Variants in BORCS5 observed in about 807,000 individuals in gnomAD.
The protein encoded by BORCS5 is BLOC-1 related complex subunit 5.
BORCS5 carries 17 observed loss-of-function variants against 22.1 expected under a neutral mutation model. That is an observed-to-expected ratio of 0.77 (90% CI 0.53 to 1.15). BORCS5 has a LOEUF of 1.15. Among genes scored for constraint, BORCS5 ranks in the 50% most tolerant of loss-of-function variants. BORCS5 has a pLI of 0.00. For synonymous variants in BORCS5, 117 were observed against 99.8 expected (o/e 1.17, Z -1.03); for missense variants, 247 against 253.2 (o/e 0.98, Z 0.17).
chr12:12,393,815 C>G (rs1306494579), intron 2 of BORCS5, among the ~76,000 whole-genome samples: 1 of 151,722 alleles, frequency 6.6e-6, no homozygotes, highest in Non-Finnish European at 1.5e-5. Flanking sequence ...GCCATCGCGC[C>G]CGGCCTTTGT....
At chr12:12,363,458 C>G (rs1048376472) in intron 2 of BORCS5, among the ~76,000 whole-genome samples, 9 of 151,906 alleles carry the variant, frequency 5.9e-5, no homozygotes, top group Admixed American at 3.9e-4. Flanking sequence ...AAAATTAGGC[C>G]GGGCGCAGTG....
In BORCS5 at chr12:12,466,397, C is replaced by T. The variant is rs1444889506; in HGVS notation, c.*621C>T. On this transcript the variant is annotated 3_prime_UTR_variant, in exon 4 of 4. Transcript: ENST00000314565. ...AGAAGCTGAAGCCTTCCTTTCCACA[C>T]CCTCATCAGATTCATCTCCACTGAT... 1.3e-5 allele frequency: 2 copies of T among 152,200 alleles called. No individual in the cohort carries two copies. The highest frequency in any genetic ancestry group is 6.5e-5 in the Admixed American group (1 of 15,272). The allele number at this position is 152,200 out of a possible 1,614,324, so 9.4% of individuals were successfully genotyped here.
chr12:12,423,387 C>A (rs111600112), intron 2 of BORCS5, among the ~76,000 whole-genome samples: 1 of 151,432 alleles, frequency 6.6e-6, no homozygotes, highest in Non-Finnish European at 1.5e-5. Flanking sequence ...CCTGCAGGAC[C>A]CCCTTTAGCA....
At chr12:12,406,754 AC>A (rs1464340725) in intron 2 of BORCS5, among the ~76,000 whole-genome samples, 1 of 151,766 alleles carries the variant, frequency 6.6e-6, no homozygotes, top group Non-Finnish European at 1.5e-5. Flanking sequence ...TACATTTCTA[AC>A]CTGTGTATAC....
At position 12,468,105 on chromosome 12, in the gene BORCS5, A is replaced by G. The variant is rs1393494928; in HGVS notation, c.*2329A>G. On this transcript the variant is annotated 3_prime_UTR_variant, in exon 4 of 4. Transcript: ENST00000314565. ...TCAGTCGTACTTGCTCTCCCTCACC[A>G]TCCTTTCCAACCGCCTGGCCTGTGG... 2.0e-5 allele frequency: 3 copies of G among 152,144 alleles called. No individual in the cohort carries two copies. Among genetic ancestry groups the G allele is most frequent in the African/African-American group, 7.2e-5 (3 of 41,420 alleles). 9.4% of individuals were successfully genotyped at this position (152,144 alleles called of 1,614,324 possible).
chr12:12,366,926 A>G (rs1411518307), intron 2 of BORCS5, among the ~76,000 whole-genome samples: 1 of 152,164 alleles, frequency 6.6e-6, no homozygotes, highest in Non-Finnish European at 1.5e-5. Flanking sequence ...ATTGCTGCCT[A>G]TGGAAGGGGC....
intron 2 of BORCS5, among the ~76,000 whole-genome samples, chr12:12,415,417 G>C (rs1311550506): frequency 1.3e-5 from 2 of 151,472 alleles, no homozygotes; most frequent in Non-Finnish European, 3.0e-5. Flanking sequence ...AGGCGTGGCG[G>C]CGTGCGCCTG....
intron 3 of BORCS5, among the ~76,000 whole-genome samples, chr12:12,462,128 G>A (rs1358684699): frequency 2.6e-5 from 4 of 152,210 alleles, no homozygotes; most frequent in African/African-American, 4.8e-5. Flanking sequence ...CACATGGCAC[G>A]TGATGCTACT....
At chr12:12,419,824 T>C (rs967432150) in intron 2 of BORCS5, among the ~76,000 whole-genome samples, 2 of 152,246 alleles carry the variant, frequency 1.3e-5, no homozygotes, top group African/African-American at 4.8e-5. Context: ...CATGTGTTTT[T>C]TGGCAGCTTA....
intron 2 of BORCS5, among the ~76,000 whole-genome samples, chr12:12,385,122 C>G (rs754094223): frequency 1.3e-5 from 2 of 151,344 alleles, no homozygotes; most frequent in Non-Finnish European, 3.0e-5. Flanking sequence ...ACTGCTGAAC[C>G]CTTTCACCTC....
intron 3 of BORCS5, among the ~76,000 whole-genome samples, chr12:12,449,540 A>G (rs1320645916): frequency 1.3e-5 from 2 of 152,240 alleles, no homozygotes; most frequent in South Asian, 2.1e-4. Context: ...GCCAAGGGTA[A>G]GAAGGCATCG....
intron 2 of BORCS5, among the ~76,000 whole-genome samples, chr12:12,390,602 C>A (rs1241634285): frequency 6.7e-6 from 1 of 149,388 alleles, no homozygotes; most frequent in African/African-American, 2.5e-5. Context: ...GCCTGGTCAA[C>A]ATAGCAAGAC....
chr12:12,374,355 A>T (rs1307584200), intron 2 of BORCS5, among the ~76,000 whole-genome samples: 1 of 151,952 alleles, frequency 6.6e-6, no homozygotes, highest in East Asian at 1.9e-4. Flanking sequence ...GATGCTGGCC[A>T]GTCACAGTGG....
chr12:12,389,135 CTTTT>C (rs10630444), intron 2 of BORCS5, among the ~76,000 whole-genome samples: 4 of 117,874 alleles, frequency 3.4e-5, no homozygotes, highest in African/African-American at 1.3e-4. Context: ...CAAGTAAGTA[CTTTT>C]TTTTTTTTTT....
rs1228132187 is a variant in BORCS5, at chr12:12,470,304, G to A, written c.*4528G>A. Among the ~76,000 whole-genome samples, 1 of 152,056 alleles carries A rather than the reference G, an allele frequency of 6.6e-6. No individual in the cohort carries two copies. On this transcript the variant is annotated 3_prime_UTR_variant, in exon 4 of 4. Transcript: ENST00000314565. Reference sequence around the variant, plus strand: ...AGGCAGGTCTCAAACTCCTGACCTCGTGATCTGCCCGACTTGGCCTCCCAA... The same window carrying A: ...AGGCAGGTCTCAAACTCCTGACCTCATGATCTGCCCGACTTGGCCTCCCAA...
intron 3 of BORCS5, among the ~76,000 whole-genome samples, chr12:12,436,821 A>G (rs1199327684): frequency 6.6e-6 from 1 of 152,250 alleles, no homozygotes; most frequent in Non-Finnish European, 1.5e-5. Flanking sequence ...TGTTGCATGC[A>G]TATACTCTTC....
intron 2 of BORCS5, among the ~76,000 whole-genome samples, chr12:12,429,091 A>T (rs979137500): frequency 4.6e-5 from 7 of 152,202 alleles, no homozygotes; most frequent in Admixed American, 3.9e-4. Flanking sequence ...CTGAGCAAAC[A>T]GGCAAGTGCA....
At chr12:12,424,487 G>C (rs1456528051) in intron 2 of BORCS5, among the ~76,000 whole-genome samples, 1 of 152,066 alleles carries the variant, frequency 6.6e-6, no homozygotes, top group Non-Finnish European at 1.5e-5. Flanking sequence ...CTTTAAGACA[G>C]TTGTTTTAAA....
At chr12:12,439,641 TA>T (rs1369644671) in intron 3 of BORCS5, among the ~76,000 whole-genome samples, 1 of 152,204 alleles carries the variant, frequency 6.6e-6, no homozygotes, top group African/African-American at 2.4e-5. Flanking sequence ...ATAAACAGTT[TA>T]AAATTCTGTT....
Sources: allele counts gnomAD v4.1 joint callset (sites outside exome capture counted in the v4.1 genomes callset), GRCh38; gene constraint gnomAD v4.1.1; transcripts MANE v1.5; gene names NCBI Gene and HGNC (gene_info 2026-07-23, HGNC 2026-07-21).